The following SOX6 variants were observed in gnomAD, a reference collection of about 807,000 sequenced individuals.
SOX6 encodes transcription factor SOX-6.
A neutral mutation model predicts 97.8 loss-of-function variants in SOX6; 11 were observed. That is an observed-to-expected ratio of 0.11 (90% CI 0.07 to 0.19). SOX6 has a LOEUF of 0.19. Ranked by LOEUF, SOX6 falls within the 10% of genes least tolerant of loss-of-function variation. The pLI, the probability that SOX6 is intolerant of heterozygous loss-of-function variation, is 1.00. For synonymous variants in SOX6, 360 were observed against 371.4 expected, an observed-to-expected ratio of 0.97 and a Z score of 0.35; for missense variants, 810 against 1,039.5, an observed-to-expected ratio of 0.78 and a Z score of 3.04.
intron 3 of SOX6, among the ~76,000 whole-genome samples, chr11:16,683,881 A>G (rs568899447): frequency 9.2e-5 from 14 of 152,136 alleles, no homozygotes; most frequent in African/African-American, 1.2e-4. Flanking sequence ...ACTTAAACAA[A>G]TTTACAAGAA....
intron 4 of SOX6, among the ~76,000 whole-genome samples, chr11:16,584,677 C>G (rs1381437036): frequency 6.6e-6 from 1 of 152,158 alleles, no homozygotes; most frequent in South Asian, 2.1e-4. Context: ...AGTGGTCGAG[C>G]CTATAATTCC....
chr11:16,565,944 A>T (rs1847868850), intron 4 of SOX6, among the ~76,000 whole-genome samples: 1 of 151,960 alleles, frequency 6.6e-6, no homozygotes, highest in Non-Finnish European at 1.5e-5. Flanking sequence ...AAAATACAAA[A>T]AATTAGTCAG....
intron 1 of SOX6, among the ~76,000 whole-genome samples, chr11:16,439,561 G>T (rs1446998471): frequency 2.6e-5 from 4 of 152,116 alleles, no homozygotes; most frequent in Admixed American, 6.6e-5. Flanking sequence ...CAACTGATCT[G>T]AATGAATAAT....
chr11:16,344,506 T>C (rs538156365), intron 1 of SOX6, among the ~76,000 whole-genome samples: 1 of 151,920 alleles, frequency 6.6e-6, no homozygotes, highest in African/African-American at 2.4e-5. Context: ...TGGTAATGCC[T>C]TTACTATAAC....
chr11:16,397,830 A>G (rs1858403393), intron 1 of SOX6, among the ~76,000 whole-genome samples: 1 of 151,596 alleles, frequency 6.6e-6, no homozygotes, highest in Admixed American at 6.6e-5. Flanking sequence ...ATGAAGAGAA[A>G]AACCTAACAG....
intron 4 of SOX6, among the ~76,000 whole-genome samples, chr11:16,542,700 C>A (rs1352130242): frequency 6.6e-6 from 1 of 152,074 alleles, no homozygotes; most frequent in Non-Finnish European, 1.5e-5. Context: ...ACTTCAGAAC[C>A]AGTTATGCAG....
At chr11:16,620,941 T>G (rs765208692) in intron 3 of SOX6, among the ~76,000 whole-genome samples, 188 of 152,342 alleles carry the variant, frequency 1.2e-3, no homozygotes, top group Non-Finnish European at 7.6e-4. Context: ...TTCACAAATT[T>G]CTTCTGTGCA....
chr11:16,209,768 T>A (rs1852170563), intron 4 of SOX6, among the ~76,000 whole-genome samples: 1 of 151,816 alleles, frequency 6.6e-6, no homozygotes, highest in African/African-American at 2.4e-5. Flanking sequence ...AAAGAAAAAA[T>A]TATATATATT....
chr11:16,141,602 T>C (rs1850144389), intron 6 of SOX6, among the ~76,000 whole-genome samples: 2 of 152,154 alleles, frequency 1.3e-5, no homozygotes, highest in African/African-American at 2.4e-5. Flanking sequence ...GGTCAGGGAA[T>C]TCCCTTTCCT....
chr11:16,181,385 G>A (rs1851341469), intron 6 of SOX6, among the ~76,000 whole-genome samples: 1 of 151,034 alleles, frequency 6.6e-6, no homozygotes, highest in Admixed American at 6.6e-5. Context: ...GTTCTGTTTT[G>A]GGTTCAAATG....
At chr11:16,582,628 G>A (rs900224084) in intron 4 of SOX6, among the ~76,000 whole-genome samples, 1 of 151,576 alleles carries the variant, frequency 6.6e-6, no homozygotes, top group Admixed American at 6.6e-5. Flanking sequence ...AAACCATAAA[G>A]AGTAAGAAAG....
chr11:16,296,107 A>T (rs1855077754), intron 3 of SOX6, among the ~76,000 whole-genome samples: 1 of 152,130 alleles, frequency 6.6e-6, no homozygotes, highest in South Asian at 2.1e-4. Flanking sequence ...ACCATAATAT[A>T]ACATTTTTAT....
chr11:16,429,933 T>C (rs1483685028), intron 1 of SOX6, among the ~76,000 whole-genome samples: 1 of 152,194 alleles, frequency 6.6e-6, no homozygotes, highest in Admixed American at 6.5e-5. Context: ...GTCTTAGTAA[T>C]CTGACCTTGG....
chr11:16,435,933 A>T (rs1859367797), intron 1 of SOX6, among the ~76,000 whole-genome samples: 1 of 152,044 alleles, frequency 6.6e-6, no homozygotes, highest in Non-Finnish European at 1.5e-5. Context: ...TGCCCCAGTC[A>T]CTTGCTACCT....
intron 3 of SOX6, among the ~76,000 whole-genome samples, chr11:16,677,685 ATGT>A (rs1388693271): frequency 6.6e-6 from 1 of 152,008 alleles, no homozygotes; most frequent in African/African-American, 2.4e-5. Flanking sequence ...CTTCCTTATA[ATGT>A]TGTTGTATGT....
At chr11:16,143,312 G>A (rs1349541346) in intron 6 of SOX6, among the ~76,000 whole-genome samples, 1 of 152,100 alleles carries the variant, frequency 6.6e-6, no homozygotes, top group Non-Finnish European at 1.5e-5. Flanking sequence ...GAGAGATTTT[G>A]TCACCACCAG....
intron 6 of SOX6, among the ~76,000 whole-genome samples, chr11:16,167,924 G>C (rs1850928179): frequency 6.6e-6 from 1 of 152,180 alleles, no homozygotes; most frequent in Non-Finnish European, 1.5e-5. Flanking sequence ...AAACTTAGCA[G>C]AGCAGGGATT....
intron 3 of SOX6, among the ~76,000 whole-genome samples, chr11:16,249,016 A>C (rs1485349968): frequency 1.3e-5 from 2 of 151,428 alleles, no homozygotes; most frequent in Non-Finnish European, 2.9e-5. Context: ...CAGGAAAATC[A>C]CTTGAACCCA....
chr11:16,524,394 T>C (rs968651897), intron 4 of SOX6, among the ~76,000 whole-genome samples: 1 of 152,042 alleles, frequency 6.6e-6, no homozygotes, highest in Non-Finnish European at 1.5e-5. Context: ...ATTATCTCAA[T>C]AGATGCAGAA....
Sources: allele counts gnomAD v4.1 joint callset (sites outside exome capture counted in the v4.1 genomes callset), GRCh38; gene constraint gnomAD v4.1.1; transcripts MANE v1.5; gene names NCBI Gene and HGNC (gene_info 2026-07-23, HGNC 2026-07-21).